MAP3K5: variants seen among roughly 807,000 people sequenced by gnomAD.
The protein encoded by MAP3K5 is mitogen-activated protein kinase kinase kinase 5, also known as ASK-1.
MAP3K5 carries 56 observed loss-of-function variants against 158.7 expected under a neutral mutation model. The observed-to-expected ratio is 0.35, with a 90% CI of 0.28 to 0.44. MAP3K5 has a LOEUF of 0.44. MAP3K5 is among the 20% of genes least tolerant of loss of function. MAP3K5 has a pLI of 1.00. For synonymous variants in MAP3K5, 579 were observed against 601.7 expected, an observed-to-expected ratio of 0.96 and a Z score of 0.55; for missense variants, 1,294 against 1,674.8, an observed-to-expected ratio of 0.77 and a Z score of 3.97.
At chr6:136,737,702 T>C (rs1782535802) in intron 1 of MAP3K5, among the ~76,000 whole-genome samples, 1 of 152,230 alleles carries the variant, frequency 6.6e-6, no homozygotes, top group Non-Finnish European at 1.5e-5. Flanking sequence ...TGATTGTCTA[T>C]ACTGTGCAAA....
chr6:136,641,990 C>CAAAATAAAAT (rs1248841307), intron 12 of MAP3K5, among the ~76,000 whole-genome samples: 1 of 93,466 alleles, frequency 1.1e-5, no homozygotes, highest in Non-Finnish European at 2.4e-5. Flanking sequence ...CTCTGTCTCA[C>CAAAATAAAAT]AAAATAAAAT....
intron 21 of MAP3K5, among the ~76,000 whole-genome samples, chr6:136,592,973 G>C (rs1465825359): frequency 1.3e-5 from 2 of 152,076 alleles, no homozygotes; most frequent in Non-Finnish European, 2.9e-5. Context: ...CAAATTCAGG[G>C]TCAGATTGAT....
rs146768934 is a variant in MAP3K5, at chr6:136,771,643, C to T, written c.448+20067G>A. Among the ~76,000 whole-genome samples, 632 of 152,228 alleles carry T rather than the reference C, an allele frequency of 4.2e-3. 2 individuals carry two copies. The highest frequency in any genetic ancestry group is 0.014 in the African/African-American group (594 of 41,536). ...TACTACTCTCTGCCTACTGGGTAGGCGTGCTCTGAAGAAGCAGTCACAGAG... is the reference window on the plus strand; with the variant it reads ...TACTACTCTCTGCCTACTGGGTAGGTGTGCTCTGAAGAAGCAGTCACAGAG... On this transcript the variant is annotated intron_variant, in intron 1 of 29. Transcript: ENST00000359015.
At chr6:136,595,920 G>T (rs1455647721) in intron 21 of MAP3K5, among the ~76,000 whole-genome samples, 6 of 152,104 alleles carry the variant, frequency 3.9e-5, no homozygotes, top group African/African-American at 1.2e-4. Context: ...TGAGGCAGGA[G>T]AATTGCTTGA....
intron 2 of MAP3K5, among the ~76,000 whole-genome samples, chr6:136,715,315 G>A (rs1781472698): frequency 6.6e-6 from 1 of 151,970 alleles, no homozygotes. Context: ...CGTTATCCTG[G>A]TGGATACAAA....
At chr6:136,732,358 G>C (rs1782264802) in intron 1 of MAP3K5, among the ~76,000 whole-genome samples, 1 of 152,184 alleles carries the variant, frequency 6.6e-6, no homozygotes, top group African/African-American at 2.4e-5. Context: ...CCGGGAAGTG[G>C]AAGTTGCAGT....
intron 1 of MAP3K5, among the ~76,000 whole-genome samples, chr6:136,747,641 CAAA>C (rs1438558978): frequency 6.6e-6 from 1 of 152,124 alleles, no homozygotes; most frequent in Non-Finnish European, 1.5e-5. Context: ...GGTTATGAGG[CAAA>C]AATTGTGAGT....
intron 14 of MAP3K5, chr6:136,630,403 G>GC (rs371044577): frequency 8.8e-4 from 133 of 151,994 alleles, no homozygotes; most frequent in African/African-American, 3.2e-3. Flanking sequence ...ATGGAATGGT[G>GC]CCTACCATTC....
chr6:136,640,528 G>A (rs976667107), intron 12 of MAP3K5, among the ~76,000 whole-genome samples: 2 of 152,084 alleles, frequency 1.3e-5, no homozygotes, highest in African/African-American at 4.8e-5. Flanking sequence ...TTCTCTCCCT[G>A]CCCTACTTCT....
chr6:136,686,511 T>C lies in MAP3K5; in HGVS notation c.1253+7629A>G, dbSNP rs552756003. 2.1e-4 allele frequency among the ~76,000 whole-genome samples: 32 copies of C among 152,258 alleles called. 2 individuals are homozygous for C. In the South Asian group the frequency reaches 5.8e-3, roughly 28 times the overall value. ...TCTGTTTGCAGATGACATGATTGTA[T>C]ATTTAGAAAACCCCATCGTCTCAGC... On this transcript the variant is annotated intron_variant, in intron 7 of 29. Transcript: ENST00000359015.
At chr6:136,682,131 TGTAC>T (rs1779963780) in intron 7 of MAP3K5, among the ~76,000 whole-genome samples, 1 of 152,234 alleles carries the variant, frequency 6.6e-6, no homozygotes, top group African/African-American at 2.4e-5. Flanking sequence ...TTAGGAATCC[TGTAC>T]ATCTATCTGG....
intron 13 of MAP3K5, among the ~76,000 whole-genome samples, chr6:136,638,088 C>T (rs978981709): frequency 1.3e-5 from 2 of 152,116 alleles, no homozygotes; most frequent in Non-Finnish European, 2.9e-5. Flanking sequence ...TCTCTACACA[C>T]ATTTCTTGGA....
intron 14 of MAP3K5, 90 bp downstream of exon 14, chr6:136,637,235 C>A (rs367660336): frequency 1.8e-5 from 23 of 1,257,530 alleles, no homozygotes; most frequent in East Asian, 9.3e-5. Flanking sequence ...GTCTCCTACC[C>A]CTCATACACC....
At chr6:136,700,352 T>C (rs1336674206) in intron 3 of MAP3K5, among the ~76,000 whole-genome samples, 2 of 152,042 alleles carry the variant, frequency 1.3e-5, no homozygotes, top group Non-Finnish European at 2.9e-5. Context: ...CGTGCGTGAC[T>C]GAAGAAGAAG....
intron 7 of MAP3K5, among the ~76,000 whole-genome samples, chr6:136,683,819 G>A (rs1224881950): frequency 6.6e-6 from 1 of 152,100 alleles, no homozygotes; most frequent in East Asian, 1.9e-4. Context: ...AGGAAGGAGG[G>A]CCTAGGATAC....
At chr6:136,601,689 C>T in intron 20 of MAP3K5, 113 bp downstream of exon 20, 1 of 912,310 alleles carries the variant, frequency 1.1e-6, no homozygotes, top group Non-Finnish European at 1.6e-6. Context: ...AATATTTATA[C>T]CAATTTCCAG....
intron 1 of MAP3K5, among the ~76,000 whole-genome samples, chr6:136,759,331 T>C (rs1783635892): frequency 6.6e-6 from 1 of 151,536 alleles, no homozygotes; most frequent in South Asian, 2.1e-4. Context: ...GAATGTACCA[T>C]GTTCCTATAA....
At chr6:136,665,771 A>G (rs1779203622) in intron 8 of MAP3K5, among the ~76,000 whole-genome samples, 2 of 152,226 alleles carry the variant, frequency 1.3e-5, no homozygotes, top group South Asian at 4.1e-4. Context: ...TAGGTGACAA[A>G]GGAGTTTTTC....
chr6:136,703,652 A>G (rs1780947981), intron 3 of MAP3K5, among the ~76,000 whole-genome samples: 1 of 152,266 alleles, frequency 6.6e-6, no homozygotes, highest in Admixed American at 6.5e-5. Context: ...GCATTGAAGC[A>G]TGAAGCAATA....
Sources: gnomAD v4.1 joint callset for allele counts (sites outside exome capture counted in the v4.1 genomes callset) on GRCh38, gnomAD v4.1.1 for gene constraint, MANE v1.5 for transcripts, NCBI Gene and HGNC (gene_info 2026-07-23, HGNC 2026-07-21) for gene names.